The following MYH2 variants were observed in gnomAD, a reference collection of about 807,000 sequenced individuals.
MYH2 encodes myosin-2.
In MYH2, 139 loss-of-function variants were observed where a neutral mutation model predicts 228.1. That is an observed-to-expected ratio of 0.61 (90% CI 0.53 to 0.70). The LOEUF (loss-of-function observed/expected upper bound fraction) is 0.70. Among genes scored for constraint, MYH2 ranks in the 30% least tolerant of loss-of-function variants. The pLI is 0.00. For synonymous variants in MYH2, 796 were observed against 871.1 expected (o/e 0.91, Z 1.52); for missense variants, 1,809 against 2,357.5 (o/e 0.77, Z 4.82).
At position 10,526,970 on chromosome 17, in the gene MYH2, C is replaced by T. The variant is rs141370980; in HGVS notation, c.3958G>A (p.Glu1320Lys). Residue 1320 changes from glutamate to lysine, a missense_variant, in exon 29 of 40, where the codon GAA becomes AAA. This residue lies in a region of MYH2 where 636 missense variants were observed against 729.9 expected (regional missense o/e 0.87). Coordinates refer to ENST00000245503, the MANE Select transcript of MYH2 (RefSeq NM_017534.6). The part of the protein sequence containing the change: ...GKQAFTQQIE[E>K]LKRQLEEEIK... ...TCCTCTTCAAGTTGCCTCTTTAATT[C>T]TTCAATCTGTTGAGTAAAGGCTTGT... The T allele has an allele frequency of 2.5e-6, 4 of 1,614,186 alleles. No individual in the cohort carries two copies. The highest frequency in any genetic ancestry group is 1.3e-5 in the African/African-American group (1 of 75,040).
chr17:10,523,945 A>T, intron 35 of MYH2, 61 bp from the exon 36 acceptor site: 1 of 1,529,950 alleles, frequency 6.5e-7, no homozygotes, highest in Non-Finnish European at 8.9e-7. Context: ...ATTGGTAACC[A>T]CTTCTTGAAA....
At chr17:10,540,527 A>C in intron 11 of MYH2, 67 bp downstream of exon 11, 2 of 1,338,540 alleles carry the variant, frequency 1.5e-6, no homozygotes, top group Non-Finnish European at 2.1e-6. Context: ...TAGACACTGA[A>C]TATTTATCTG....
intron 24 of MYH2, 27 bp downstream of exon 24, chr17:10,529,537 G>A (rs1159029239): frequency 1.9e-6 from 3 of 1,614,162 alleles, no homozygotes; most frequent in Admixed American, 1.7e-5. Flanking sequence ...TAGAAGAAAA[G>A]AATGTCCTTG....
In MYH2 at chr17:10,529,541, G is replaced by T. The variant is rs764929839; in HGVS notation, c.3117+23C>A. The T allele has an allele frequency of 5.0e-6, 8 of 1,614,198 alleles. No homozygotes were observed. The South Asian group carries it at 7.7e-5, about 16-fold the overall frequency. On this transcript the variant is annotated intron_variant, in intron 24 of 39. Coordinates refer to ENST00000245503, the MANE Select transcript of MYH2 (RefSeq NM_017534.6). ...TTATCTTCCTTTAGAAGAAAAGAAT[G>T]TCCTTGATGATACCAGACTTACATC...
chr17:10,543,064 T>C, intron 9 of MYH2, 34 bp downstream of exon 9: 7 of 1,599,018 alleles, frequency 4.4e-6, no homozygotes, highest in Non-Finnish European at 6.0e-6. Context: ...GTCATATGAA[T>C]CAGAAATGAT....
At position 10,523,180 on chromosome 17, in the gene MYH2, T is replaced by C. The variant is rs749966733; in HGVS notation, c.5583A>G (p.Glu1861=). The C allele has an allele frequency of 2.5e-6, 4 of 1,613,444 alleles. No homozygotes were observed. Among genetic ancestry groups the C allele is most frequent in the South Asian group, 1.1e-5 (1 of 91,078 alleles). Residue 1861 remains glutamate (E), a synonymous_variant, in exon 39 of 40, where the codon GAA becomes GAG. Coordinates refer to ENST00000245503, the MANE Select transcript of MYH2 (RefSeq NM_017534.6). The stretch of plus-strand genomic sequence containing the variant: ...GCCTGAGAATATTCTTTCTATCTTC[T>C]TCCGTCTGAAAGATTATAAAAAGTC... ...RRVKELTYQT[E]EDRKNILRLQ...
intron 4 of MYH2, among the ~76,000 whole-genome samples, chr17:10,547,026 G>A (rs974779401): frequency 2.6e-5 from 4 of 151,918 alleles, no homozygotes; most frequent in Admixed American, 2.6e-4. Flanking sequence ...ACGAGGCAGA[G>A]GTTGCAGTGA....
At chr17:10,526,874 G>T in intron 29 of MYH2, 64 bp downstream of exon 29, 1 of 1,612,996 alleles carries the variant, frequency 6.2e-7, no homozygotes, top group Non-Finnish European at 8.5e-7. Flanking sequence ...TTGAAAGCTG[G>T]TATAACAGGC....
rs1001051198 is a variant in MYH2 at position 10,540,624 on chromosome 17, G to T, written c.978C>A (p.Ile326=). Residue 326 remains isoleucine (I), a synonymous_variant, in exon 11 of 40, where the codon ATC becomes ATA. Transcript: ENST00000245503. Reference sequence around the variant, plus strand: ...TGGCCATCAGTTCTTCCTGATCATCGATGCTGGCCACACTGATCTCCCCTT... The same window carrying T: ...TGGCCATCAGTTCTTCCTGATCATCTATGCTGGCCACACTGATCTCCCCTT... ...VSQGEISVAS[I]DDQEELMATD... The T allele has an allele frequency of 3.1e-6, 5 of 1,613,426 alleles. No individual in the cohort carries two copies. In the Admixed American group the frequency reaches 6.7e-5, roughly 22 times the overall value.
rs1229922344 is a variant in MYH2, at chr17:10,525,731, A to G, written c.4333T>C (p.Cys1445Arg). Residue 1445 changes from cysteine to arginine, a missense_variant, in exon 31 of 40, where the codon TGT becomes CGT. Physicochemically the swap from Cys to Arg is radical, Grantham distance 180. This residue lies in a region of MYH2 where 636 missense variants were observed against 729.9 expected (regional missense o/e 0.87). Coordinates refer to ENST00000245503, the MANE Select transcript of MYH2 (RefSeq NM_017534.6). This position sits in a 1 kb window ranked among gnomAD's most constrained non-coding sequence, Gnocchi z 4.2. ...CTTTGCTTTTTGTCAAGGGCGGCAC[A>G]GGCGGCATTTGTCCTCTCCACATCA... ...MLDVERTNAA[C>R]AALDKKQRNF... 1.2e-6 allele frequency: 2 copies of G among 1,614,238 alleles called. No individual in the cohort carries two copies. Among genetic ancestry groups the G allele is most frequent in the Non-Finnish European group, 1.7e-6 (2 of 1,180,042 alleles).
At chr17:10,539,868 A>G (rs2073529909) in intron 12 of MYH2, 60 bp downstream of exon 12, 1 of 1,609,412 alleles carries the variant, frequency 6.2e-7, no homozygotes, top group African/African-American at 1.3e-5. Flanking sequence ...TTCCTGGGTA[A>G]CAAGTTAAGA....
At chr17:10,546,285 A>ATATATATG (rs2073630775) in intron 4 of MYH2, among the ~76,000 whole-genome samples, 1 of 140,028 alleles carries the variant, frequency 7.1e-6, no homozygotes, top group Admixed American at 7.1e-5. Context: ...ATATATATAT[A>ATATATATG]TATACATCAT....
chr17:10,532,487 A>G (rs2073436675), intron 21 of MYH2, among the ~76,000 whole-genome samples: 1 of 152,222 alleles, frequency 6.6e-6, no homozygotes, highest in Admixed American at 6.5e-5. Context: ...TACCCCATAT[A>G]TAGACAATTA....
At chr17:10,540,359 C>CAAAAAA (rs56139789) in intron 11 of MYH2, among the ~76,000 whole-genome samples, 1 of 149,098 alleles carries the variant, frequency 6.7e-6, no homozygotes, top group African/African-American at 2.5e-5. Flanking sequence ...AAGTCAATTG[C>CAAAAAA]AAAAAAAAAA....
At chr17:10,528,548 T>TA (rs2073382838) in intron 27 of MYH2, 142 bp downstream of exon 27, 4 of 1,300,192 alleles carry the variant, frequency 3.1e-6, no homozygotes, top group Non-Finnish European at 4.2e-6. Flanking sequence ...GTTGAAATAA[T>TA]AAAAAATGCT....
intron 11 of MYH2, 22 bp downstream of exon 11, chr17:10,540,572 A>T: frequency 6.4e-7 from 1 of 1,562,016 alleles, no homozygotes; most frequent in Non-Finnish European, 8.8e-7. Flanking sequence ...TAATAATTCC[A>T]ATTTTCTTGT....
In MYH2 at chr17:10,523,800, C is replaced by A. The variant is rs2073314725; in HGVS notation, c.5260G>T (p.Ala1754Ser). The A allele has an allele frequency of 6.2e-7, 1 of 1,614,216 alleles. No individual in the cohort carries two copies. The highest frequency in any genetic ancestry group is 8.5e-7 in the Non-Finnish European group (1 of 1,180,046). ...TTGGCCTTTTCTTCTGCATTGCGGG[C>A]TTCCTGGAGAATGTCCTCCATCTCT... ...QGEMEDILQE[A>S]RNAEEKAKKA... Residue 1754 changes from alanine (A) to serine (S), a missense_variant, in exon 36 of 40, where the codon GCC becomes TCC. Physicochemically the swap from Ala to Ser is moderately conservative, Grantham distance 99. Around this residue, in one of 9 missense-constraint regions of MYH2, gnomAD observed 278 missense variants for 308.5 expected, o/e 0.90. Transcript: ENST00000245503.
chr17:10,538,958 C>T (rs949843997), intron 14 of MYH2, among the ~76,000 whole-genome samples: 1 of 152,112 alleles, frequency 6.6e-6, no homozygotes, highest in African/African-American at 2.4e-5. Flanking sequence ...GACCTTCAAT[C>T]CCACTGTACT....
chr17:10,532,874 G>T (rs2073440725), intron 21 of MYH2, among the ~76,000 whole-genome samples: 1 of 152,188 alleles, frequency 6.6e-6, no homozygotes. Flanking sequence ...ATGAGAGTTT[G>T]ATAATATAAA....
Sources: gnomAD v4.1 joint callset for allele counts (sites outside exome capture counted in the v4.1 genomes callset) on GRCh38, gnomAD v4.1.1 for gene constraint, gnomAD v4.1.1 regional missense constraint, Gnocchi (gnomAD v3.1) non-coding constraint, MANE v1.5 for transcripts, NCBI Gene and HGNC (gene_info 2026-07-23, HGNC 2026-07-21) for gene names.